The following DPP6 variants were observed in gnomAD, a reference collection of about 807,000 sequenced individuals.
The protein encoded by DPP6 is A-type potassium channel modulatory protein DPP6.
In DPP6, 69 loss-of-function variants were observed where a neutral mutation model predicts 122.6. That is an observed-to-expected ratio of 0.56 (90% CI 0.46 to 0.69). The LOEUF (loss-of-function observed/expected upper bound fraction) is 0.69, where lower values mean the gene tolerates loss of function less well. Among genes scored for constraint, DPP6 ranks in the 30% least tolerant of loss-of-function variants. The probability of loss-of-function intolerance (pLI) is 0.00; values close to 1 mark genes in which losing one functional copy is unlikely to be tolerated. For missense variants in DPP6, 928 were observed against 1,116.9 expected, an observed-to-expected ratio of 0.83 and a Z score of 2.41; for synonymous variants, 418 against 433.1, an observed-to-expected ratio of 0.97 and a Z score of 0.43.
intron 1 of DPP6, among the ~76,000 whole-genome samples, chr7:154,008,610 C>T (rs1192958640): frequency 2.6e-5 from 4 of 151,838 alleles, no homozygotes; most frequent in South Asian, 2.1e-4. Context: ...CCATCTCTCC[C>T]GCTTGGCAGC....
intron 5 of DPP6, among the ~76,000 whole-genome samples, chr7:154,633,190 A>G (rs1408082976): frequency 6.6e-6 from 1 of 152,102 alleles, no homozygotes; most frequent in Non-Finnish European, 1.5e-5. Flanking sequence ...ATTTTTTATG[A>G]TCAGAAATAT....
chr7:154,043,614 C>T (rs1017100910), intron 1 of DPP6, among the ~76,000 whole-genome samples: 20 of 150,638 alleles, frequency 1.3e-4, no homozygotes, highest in Admixed American at 2.7e-4. Flanking sequence ...ATAAAATTGC[C>T]TACTCAAGGA....
At chr7:154,127,597 T>TCTCACACA (rs1438098845) in intron 1 of DPP6, among the ~76,000 whole-genome samples, 39 of 136,806 alleles carry the variant, frequency 2.9e-4, no homozygotes, top group African/African-American at 1.1e-3. Context: ...GAGCAGCATC[T>TCTCACACA]CACACACACA....
intron 1 of DPP6, among the ~76,000 whole-genome samples, chr7:154,315,049 G>A (rs1224078762): frequency 1.3e-5 from 2 of 152,182 alleles, no homozygotes; most frequent in Non-Finnish European, 2.9e-5. Context: ...TGTCATATTT[G>A]AGTAATTCGT....
chr7:153,969,611 A>G (rs1442376533), intron 1 of DPP6, among the ~76,000 whole-genome samples: 1 of 148,214 alleles, frequency 6.7e-6, no homozygotes, highest in Non-Finnish European at 1.5e-5. Context: ...GTTTTCCTTC[A>G]TTGCACAGTA....
intron 5 of DPP6, among the ~76,000 whole-genome samples, chr7:154,611,905 C>T (rs2130810242): frequency 6.6e-6 from 1 of 151,966 alleles, no homozygotes; most frequent in Non-Finnish European, 1.5e-5. Flanking sequence ...TAGTTCTGTG[C>T]AATCTTATTA....
At chr7:153,972,010 T>G (rs1395361034) in intron 1 of DPP6, among the ~76,000 whole-genome samples, 1 of 149,812 alleles carries the variant, frequency 6.7e-6, no homozygotes, top group Non-Finnish European at 1.5e-5. Flanking sequence ...TACTGCCTGT[T>G]GTCCAAAGTC....
At chr7:154,507,742 C>G (rs73163057) in intron 3 of DPP6, among the ~76,000 whole-genome samples, 11,094 of 152,204 alleles carry the variant, frequency 0.073, 533 homozygotes, top group Non-Finnish European at 0.1. Flanking sequence ...GTCAGCCAAT[C>G]TGTGTCTGAA....
At chr7:154,575,502 G>GGT (rs1167008841) in intron 5 of DPP6, among the ~76,000 whole-genome samples, 3 of 130,126 alleles carry the variant, frequency 2.3e-5, no homozygotes, top group Non-Finnish European at 3.3e-5. Context: ...GTGTTTGTGT[G>GGT]GTGTGTGTGT....
At chr7:154,301,196 T>C (rs951677518) in intron 1 of DPP6, among the ~76,000 whole-genome samples, 2 of 152,184 alleles carry the variant, frequency 1.3e-5, no homozygotes, top group Admixed American at 1.3e-4. Flanking sequence ...ATCTGGCACT[T>C]CCACCGCTGC....
At position 154,262,867 on chromosome 7, in the gene DPP6, C is replaced by T. The variant is rs150776604; in HGVS notation, c.244-183347C>T. ...TTATGGTTTAACTGTATTTTTCACG[C>T]ACTGTTACTGGCTAAGGTCAGTGGA... On this transcript the variant is annotated intron_variant, in intron 1 of 25. Transcript: ENST00000377770. Among the ~76,000 whole-genome samples, 479 of 152,270 alleles carry T rather than the reference C, an allele frequency of 3.1e-3. 3 individuals are homozygous for T. The highest frequency in any genetic ancestry group is 0.011 in the African/African-American group (448 of 41,552).
chr7:153,765,130 G>T, the DPP6 span, among the ~76,000 whole-genome samples: 584 of 151,714 alleles, frequency 3.8e-3, 2 homozygotes, highest in African/African-American at 0.013. Context: ...GTTTCCTGTG[G>T]ATTATTGTAA....
intron 1 of DPP6, among the ~76,000 whole-genome samples, chr7:154,057,106 G>A (rs1800893059): frequency 6.6e-6 from 1 of 152,186 alleles, no homozygotes; most frequent in South Asian, 2.1e-4. Context: ...CATGAGGCCA[G>A]GTACTGAGAA....
intron 1 of DPP6, among the ~76,000 whole-genome samples, chr7:154,350,248 C>G (rs1328792308): frequency 6.6e-6 from 1 of 152,098 alleles, no homozygotes; most frequent in Non-Finnish European, 1.5e-5. Flanking sequence ...ACAGGGGAAA[C>G]AGTTTGATCT....
intron 15 of DPP6, among the ~76,000 whole-genome samples, chr7:154,805,830 C>T (rs1798661254): frequency 6.6e-6 from 1 of 152,234 alleles, no homozygotes. Flanking sequence ...GGGGTGTCTG[C>T]TGCCTCCCCC....
At chr7:154,411,831 T>C (rs1388652496) in intron 1 of DPP6, among the ~76,000 whole-genome samples, 1 of 152,162 alleles carries the variant, frequency 6.6e-6, no homozygotes, top group Non-Finnish European at 1.5e-5. Context: ...TAATAATACT[T>C]ATTGCAAGAG....
chr7:153,842,302 A>G, the DPP6 span, among the ~76,000 whole-genome samples: 513 of 152,310 alleles, frequency 3.4e-3, no homozygotes, highest in Middle Eastern at 6.8e-3. Context: ...TATATTGTTT[A>G]GTTGTATTTC....
intron 3 of DPP6, among the ~76,000 whole-genome samples, chr7:154,508,421 G>A (rs529578707): frequency 1.1e-4 from 16 of 152,212 alleles, no homozygotes; most frequent in African/African-American, 2.9e-4. Flanking sequence ...TTCCTCCATC[G>A]GATACTCTGT....
chr7:154,520,564 T>G (rs186655093), intron 3 of DPP6, among the ~76,000 whole-genome samples: 20 of 152,374 alleles, frequency 1.3e-4, no homozygotes, highest in African/African-American at 4.8e-4. Flanking sequence ...GTTGTGTTGA[T>G]GTAATCTTTG....
Sources: gnomAD v4.1 joint callset for allele counts (sites outside exome capture counted in the v4.1 genomes callset) on GRCh38, gnomAD v4.1.1 for gene constraint, MANE v1.5 for transcripts, NCBI Gene and HGNC (gene_info 2026-07-23, HGNC 2026-07-21) for gene names.